BLZF1: variants seen among roughly 807,000 people sequenced by gnomAD.
The protein encoded by BLZF1 is basic leucine zipper nuclear factor 1.
In BLZF1, 39 loss-of-function variants were observed where a neutral mutation model predicts 43.8. The ratio of observed to expected loss-of-function variants is 0.89; its 90% CI spans 0.69 to 1.16. BLZF1 has a LOEUF of 1.16. Ranked by LOEUF, BLZF1 falls within the 50% of genes most tolerant of loss-of-function variation. The pLI is 0.00. For synonymous variants in BLZF1, 136 were observed against 159.4 expected (o/e 0.85, Z 1.11); for missense variants, 449 against 469.8 (o/e 0.96, Z 0.41).
intron 7 of BLZF1, among the ~76,000 whole-genome samples, chr1:169,394,719 A>AT (rs1268538615): frequency 6.6e-6 from 1 of 152,120 alleles, no homozygotes; most frequent in African/African-American, 2.4e-5. Flanking sequence ...TTCCATTGTA[A>AT]TTTTTTAAAA....
chr1:169,384,094 C>T (rs183544384), intron 6 of BLZF1, among the ~76,000 whole-genome samples: 1 of 152,132 alleles, frequency 6.6e-6, no homozygotes, highest in South Asian at 2.1e-4. Flanking sequence ...TACAACCCCC[C>T]ACCCCTAAAA....
In BLZF1 at chr1:169,376,661, A is replaced by G; in HGVS notation, c.150A>G (p.Pro50=). The G allele has an allele frequency of 2.5e-6, 4 of 1,613,440 alleles. No individual in the cohort carries two copies. Among genetic ancestry groups the G allele is most frequent in the Non-Finnish European group, 3.4e-6 (4 of 1,179,590 alleles). ...QSRKHHSLQS[P]WKKAVPSESP... is the part of the protein sequence containing the mutation. ...GAAAGCATCATAGTCTTCAGAGTCC[A>G]TGGAAGAAAGCAGTTCCATCAGAGA... Residue 50 remains proline, a synonymous_variant, in exon 3 of 7, where the codon CCA becomes CCG. Transcript: ENST00000367808.
chr1:169,376,387 A>G (rs1322508792), intron 2 of BLZF1, among the ~76,000 whole-genome samples, 153 bp from the exon 3 acceptor site: 3 of 152,056 alleles, frequency 2.0e-5, no homozygotes, highest in Admixed American at 6.6e-5. Context: ...TCTTTTGTTG[A>G]CACATGATTG....
chr1:169,376,483 C>T, intron 2 of BLZF1, 57 bp from the exon 3 acceptor site: 1 of 1,470,442 alleles, frequency 6.8e-7, no homozygotes. Context: ...CATGTATTAG[C>T]ATTTTCTTGG....
At position 169,382,220 on chromosome 1, in the gene BLZF1, A is replaced by G. The variant is rs1214889002; in HGVS notation, c.956A>G (p.Gln319Arg). 6.2e-7 allele frequency: 1 copy of G among 1,613,562 alleles called. No individual in the cohort carries two copies. The highest frequency in any genetic ancestry group is 8.5e-7 in the Non-Finnish European group (1 of 1,179,650). ...CTGGGAAATGTTGGCATTAACAATC[A>G]AAAAAAGATTCCATCAACAGTTGAA... ...HLLGNVGINN[Q>R]KKIPSTVEFC... Residue 319 changes from glutamine to arginine, a missense_variant, in exon 6 of 7, where the codon CAA (glutamine) becomes CGA (arginine). Transcript: ENST00000367808.
downstream of BLZF1, among the ~76,000 whole-genome samples, chr1:169,388,950 C>T (rs942925077): frequency 1.6e-4 from 24 of 151,820 alleles, no homozygotes; most frequent in Admixed American, 2.0e-4. Flanking sequence ...GTGAAACCCC[C>T]GTCTCTACTA....
At chr1:169,394,299 T>C (rs1421732407) in intron 7 of BLZF1, among the ~76,000 whole-genome samples, 2 of 152,204 alleles carry the variant, frequency 1.3e-5, no homozygotes, top group African/African-American at 4.8e-5. Context: ...CTACCTAAAA[T>C]AGTATTACAC....
chr1:169,386,849 T>C (rs1180392401), intron 6 of BLZF1, 148 bp from the exon 7 acceptor site: 3 of 552,718 alleles, frequency 5.4e-6, no homozygotes, highest in Non-Finnish European at 9.3e-6. Flanking sequence ...AAGTAAGTTG[T>C]CTTTTCAATC....
chr1:169,393,459 G>A (rs558315609), intron 7 of BLZF1, among the ~76,000 whole-genome samples: 5 of 151,416 alleles, frequency 3.3e-5, no homozygotes, highest in South Asian at 2.1e-4. Context: ...GCATGGTGGC[G>A]GGTGCCTGTA....
chr1:169,383,449 C>G (rs1654582823), intron 6 of BLZF1, among the ~76,000 whole-genome samples: 1 of 152,174 alleles, frequency 6.6e-6, no homozygotes, highest in African/African-American at 2.4e-5. Context: ...TGTAAGATGT[C>G]TGGATATGGC....
In BLZF1 at chr1:169,376,600, C is replaced by G; in HGVS notation, c.89C>G (p.Pro30Arg). 2 of 1,612,930 alleles carry G rather than the reference C, an allele frequency of 1.2e-6. No individual in the cohort carries two copies. The highest frequency in any genetic ancestry group is 1.7e-6 in the Non-Finnish European group (2 of 1,179,428). ...GATGGAATGGAAACTGAGGAACCAC[C>G]TAAATCTGTTGAAGTTACCTCCGGA... Reference protein sequence around the residue: ...AGDGMETEEPPKSVEVTSGVQ... With the variant: ...AGDGMETEEPRKSVEVTSGVQ... The change falls in exon 3 of 7, where the codon CCT (proline) becomes CGT (arginine). Residue 30 changes from proline (P) to arginine (R), a missense_variant. Transcript: ENST00000367808.
chr1:169,371,652 A>G (rs911502074), intron 2 of BLZF1, among the ~76,000 whole-genome samples: 2 of 152,186 alleles, frequency 1.3e-5, no homozygotes. Flanking sequence ...TTTGAGCAGC[A>G]CTGTCATCAT....
chr1:169,369,643 C>T, intron 2 of BLZF1, 93 bp downstream of exon 2: 2 of 861,690 alleles, frequency 2.3e-6, no homozygotes, highest in Non-Finnish European at 3.7e-6. Context: ...CATGGACCCC[C>T]TTGGGAATCA....
intron 6 of BLZF1, among the ~76,000 whole-genome samples, chr1:169,385,394 C>T (rs1654638504): frequency 6.6e-6 from 1 of 152,126 alleles, no homozygotes; most frequent in Non-Finnish European, 1.5e-5. Context: ...TCCCCCATCC[C>T]CCACACTGTG....
chr1:169,375,393 C>CAT (rs58679820), intron 2 of BLZF1, among the ~76,000 whole-genome samples: 3,754 of 85,394 alleles, frequency 0.044, 170 homozygotes, highest in African/African-American at 0.058. Flanking sequence ...ATATATAAAA[C>CAT]ATATATATAT....
chr1:169,380,322 AT>A (rs1384257938), intron 4 of BLZF1, among the ~76,000 whole-genome samples, 158 bp from the exon 5 acceptor site: 3 of 151,634 alleles, frequency 2.0e-5, no homozygotes, highest in African/African-American at 7.3e-5. Context: ...GCTAATAAGC[AT>A]TTTTAATGCT....
Position 169,376,481 on chromosome 1 carries a change from A to G in BLZF1, c.29-59A>G, listed in dbSNP as rs796786690. ...TTGAATATAGGGTATAGCATGTATT[A>G]GCATTTTCTTGGCATTTCTTCTTGG... On this transcript the variant is annotated intron_variant, in intron 2 of 6. Coordinates refer to ENST00000367808, the MANE Select transcript of BLZF1 (RefSeq NM_001320973.2). The G allele has an allele frequency of 7.5e-6, 11 of 1,459,088 alleles. No individual in the cohort carries two copies. In the African/African-American group the frequency reaches 1.4e-4, roughly 19 times the overall value. 90.4% of individuals were successfully genotyped at this position (1,459,088 alleles called of 1,614,324 possible).
intron 1 of BLZF1, 105 bp from the exon 2 acceptor site, chr1:169,369,368 C>T (rs575491297): frequency 1.1e-5 from 6 of 535,050 alleles, no homozygotes; most frequent in South Asian, 1.1e-4. Flanking sequence ...TAAATGCATG[C>T]GTACTAAATA....
chr1:169,392,651 C>G (rs1414523407), downstream of BLZF1, among the ~76,000 whole-genome samples: 1 of 152,136 alleles, frequency 6.6e-6, no homozygotes, highest in Non-Finnish European at 1.5e-5. Flanking sequence ...AATGAAATGA[C>G]TAATGTCTGG....
Sources: gnomAD v4.1 joint callset for allele counts (sites outside exome capture counted in the v4.1 genomes callset) on GRCh38, gnomAD v4.1.1 for gene constraint, MANE v1.5 for transcripts, NCBI Gene and HGNC (gene_info 2026-07-23, HGNC 2026-07-21) for gene names.